Variants in IFT140 observed in about 807,000 individuals in gnomAD.
The protein encoded by IFT140 is intraflagellar transport 140, also known as intraflagellar transport protein 140 homolog.
Under a neutral mutation model 164.6 loss-of-function variants are expected in IFT140, and 133 were observed. The observed-to-expected ratio is 0.81, with a 90% CI of 0.70 to 0.93. The LOEUF is 0.93. Ranked by LOEUF, IFT140 falls within the 40% of genes least tolerant of loss-of-function variation. The pLI is 0.00. For synonymous variants in IFT140, 860 were observed against 817.3 expected (o/e 1.05, Z -0.89); for missense variants, 2,045 against 1,972.3 (o/e 1.04, Z -0.70).
chr16:1,605,570 T>C (rs2036015842), intron 3 of IFT140, among the ~76,000 whole-genome samples: 1 of 152,026 alleles, frequency 6.6e-6, no homozygotes, highest in South Asian at 2.1e-4. Context: ...CACGCCCGGC[T>C]AATTCTTGTA....
intron 14 of IFT140, among the ~76,000 whole-genome samples, chr16:1,570,315 G>A (rs1286939992): frequency 6.6e-6 from 1 of 152,136 alleles, no homozygotes; most frequent in East Asian, 1.9e-4. Flanking sequence ...ACAGACCTAC[G>A]ATTCTGTGTA....
Position 1,523,925 on chromosome 16 carries a change from A to C in IFT140, c.3173T>G (p.Leu1058Trp). 1 of 1,613,210 alleles carries C rather than the reference A, an allele frequency of 6.2e-7. No homozygotes were observed. The highest frequency in any genetic ancestry group is 8.5e-7 in the Non-Finnish European group (1 of 1,180,016). Residue 1058 changes from leucine to tryptophan, a missense_variant, in exon 25 of 31, where the codon TTG becomes TGG. Physicochemically the swap from Leu to Trp is moderately conservative, Grantham distance 61. Coordinates refer to ENST00000426508, the MANE Select transcript of IFT140 (RefSeq NM_014714.4). Reference sequence around the variant, plus strand: ...GTCCTCGGGGGAGCTCAGCAGGGCCAAGTTCATGAGCTGGTCGTCCAGGCC... The same window carrying C: ...GTCCTCGGGGGAGCTCAGCAGGGCCCAGTTCATGAGCTGGTCGTCCAGGCC... ...ENGLDDQLMN[L>W]ALLSSPEDMI...
At chr16:1,585,041 C>T (rs1391782754) in intron 10 of IFT140, among the ~76,000 whole-genome samples, 4 of 152,142 alleles carry the variant, frequency 2.6e-5, no homozygotes, top group African/African-American at 7.2e-5. Context: ...GAAGCTACAA[C>T]GACAGTGTCT....
chr16:1,512,459 T>C (rs8048980), intron 30 of IFT140, among the ~76,000 whole-genome samples: 38,571 of 152,050 alleles, frequency 0.25, 5,696 homozygotes, highest in African/African-American at 0.4. Context: ...TTAGCTGCGC[T>C]TCCCAGTTTC....
At position 1,554,665 on chromosome 16, in the gene IFT140, C is replaced by T. The variant is rs2032944874; in HGVS notation, c.2399+3270G>A. The T allele has an allele frequency of 3.5e-6, 5 of 1,435,616 alleles. No homozygotes were observed. In the East Asian group the frequency reaches 1.2e-4, roughly 33 times the overall value. The allele number at this position is 1,435,616 out of a possible 1,614,324, so 88.9% of individuals were successfully genotyped here. A position where few individuals can be genotyped will look rare whatever the true frequency, so the allele number is the denominator to read the frequency against. ...AAGCAGGCTGGAACCCGCTCTAGGA[C>T]AGAGGGCTGGGGAAGGATAAAGCAG... On this transcript the variant is annotated intron_variant, in intron 19 of 30. Coordinates refer to ENST00000426508, the MANE Select transcript of IFT140 (RefSeq NM_014714.4).
chr16:1,586,161 G>T lies in IFT140; in HGVS notation c.1124C>A (p.Thr375Asn). The change falls in exon 10 of 31, where the codon ACC becomes AAC. Residue 375 changes from threonine to asparagine, a missense_variant. Thr to Asn is a moderately conservative substitution (Grantham distance 65, BLOSUM62 0). Coordinates refer to ENST00000426508, the MANE Select transcript of IFT140 (RefSeq NM_014714.4). Reference sequence around the variant, plus strand: ...TTGCGTGATGTTTCCTTGGAGCTCGGTAGGGGTCTGAAGGGCCCACCTGTC... The same window carrying T: ...TTGCGTGATGTTTCCTTGGAGCTCGTTAGGGGTCTGAAGGGCCCACCTGTC... The part of the protein sequence containing the change: ...GKDRWALQTP[T>N]ELQGNITQIQ... The T allele has an allele frequency of 6.2e-7, 1 of 1,613,834 alleles. No homozygotes were observed. The highest frequency in any genetic ancestry group is 8.5e-7 in the Non-Finnish European group (1 of 1,180,008).
chr16:1,572,462 C>T (rs760522441), intron 13 of IFT140, among the ~76,000 whole-genome samples: 2 of 152,186 alleles, frequency 1.3e-5, no homozygotes, highest in Non-Finnish European at 2.9e-5. Flanking sequence ...CAGGCTAACA[C>T]GGTGAAACCC....
intron 19 of IFT140, among the ~76,000 whole-genome samples, chr16:1,539,288 G>A (rs897763638): frequency 6.0e-5 from 9 of 150,008 alleles, no homozygotes; most frequent in Non-Finnish European, 1.2e-4. Context: ...TCACCAAGCC[G>A]CACAGTGCCA....
At chr16:1,548,613 A>G (rs371551419) in intron 19 of IFT140, among the ~76,000 whole-genome samples, 8 of 152,184 alleles carry the variant, frequency 5.3e-5, no homozygotes, top group African/African-American at 1.9e-4. Context: ...GAAACAGGAC[A>G]ATGAGGAGAG....
intron 30 of IFT140, among the ~76,000 whole-genome samples, chr16:1,513,694 G>A (rs1181767061): frequency 4.0e-5 from 6 of 149,494 alleles, no homozygotes; most frequent in Admixed American, 6.7e-5. Flanking sequence ...TCTTTTTTGA[G>A]ACGGAGTCTT....
chr16:1,536,009 G>A (rs534188697), intron 19 of IFT140, among the ~76,000 whole-genome samples: 1 of 152,352 alleles, frequency 6.6e-6, no homozygotes, highest in African/African-American at 2.4e-5. Flanking sequence ...ACCTCTCGCG[G>A]GGGCAGCGGC....
chr16:1,589,700 T>G lies in IFT140; in HGVS notation c.715A>C (p.Met239Leu), dbSNP rs781148893. 3 of 1,614,098 alleles carry G rather than the reference T, an allele frequency of 1.9e-6. No individual in the cohort carries two copies. The highest frequency in any genetic ancestry group is 1.3e-5 in the African/African-American group (1 of 75,002). Residue 239 changes from methionine to leucine, a missense_variant, in exon 7 of 31, where the codon ATG (methionine) becomes CTG (leucine). Physicochemically the swap from Met to Leu is conservative, Grantham distance 15. Transcript: ENST00000426508. ...ADSTIQMLFY[M>L]EKREALVVVT... ...ACCACCAGTGCCTCCCTCTTCTCCA[T>G]GTAGAACAGCATCTGAATCGTGCTG...
chr16:1,601,520 A>G (rs1220034610), intron 4 of IFT140, among the ~76,000 whole-genome samples: 1 of 152,222 alleles, frequency 6.6e-6, no homozygotes, highest in East Asian at 1.9e-4. Flanking sequence ...TATCTGTGAT[A>G]AACTCACAAA....
chr16:1,590,019 A>G (rs2035092665), intron 6 of IFT140, among the ~76,000 whole-genome samples: 1 of 152,172 alleles, frequency 6.6e-6, no homozygotes, highest in African/African-American at 2.4e-5. Context: ...CAACGTAGTG[A>G]AATCCTGTCT....
intron 19 of IFT140, among the ~76,000 whole-genome samples, chr16:1,544,618 C>T (rs948150010): frequency 2.0e-5 from 3 of 152,128 alleles, no homozygotes; most frequent in African/African-American, 7.2e-5. Flanking sequence ...ACGTGTGCTA[C>T]TGCGCCCAGC....
At chr16:1,578,554 G>T (rs905104816) in intron 13 of IFT140, among the ~76,000 whole-genome samples, 2 of 150,668 alleles carry the variant, frequency 1.3e-5, no homozygotes, top group South Asian at 4.2e-4. Context: ...TCCAGCCTGG[G>T]TGACATAGTG....
chr16:1,526,980 C>G, intron 19 of IFT140, 184 bp from the exon 20 acceptor site: 6 of 604,566 alleles, frequency 9.9e-6, no homozygotes, highest in Non-Finnish European at 1.7e-5. Flanking sequence ...GTGCCCGTCA[C>G]GAGTCCCACG....
chr16:1,589,117 G>A (rs1291543318), intron 7 of IFT140, among the ~76,000 whole-genome samples: 2 of 152,244 alleles, frequency 1.3e-5, no homozygotes, highest in African/African-American at 4.8e-5. Context: ...TACAGGGCAT[G>A]TAAAGGCCCG....
At chr16:1,571,790 G>C (rs141633748) in intron 13 of IFT140, among the ~76,000 whole-genome samples, 74 of 152,286 alleles carry the variant, frequency 4.9e-4, no homozygotes, top group African/African-American at 1.7e-3. Context: ...GGTGCCTCCA[G>C]TCTAGAGGGG....
Sources: allele counts gnomAD v4.1 joint callset (sites outside exome capture counted in the v4.1 genomes callset), GRCh38; gene constraint gnomAD v4.1.1; transcripts MANE v1.5; gene names NCBI Gene and HGNC (gene_info 2026-07-23, HGNC 2026-07-21).